The following FER1L6 variants were observed in gnomAD, a reference collection of about 807,000 sequenced individuals.
FER1L6 encodes fer-1-like protein 6.
A neutral mutation model predicts 219.2 loss-of-function variants in FER1L6; 177 were observed. That is an observed-to-expected ratio of 0.81 (90% CI 0.71 to 0.91). The LOEUF is 0.91. Among genes scored for constraint, FER1L6 ranks in the 40% least tolerant of loss-of-function variants. FER1L6 has a pLI of 0.00. For missense variants in FER1L6, 2,153 were observed against 2,259.9 expected, an observed-to-expected ratio of 0.95 and a Z score of 0.96; for synonymous variants, 768 against 824.3, an observed-to-expected ratio of 0.93 and a Z score of 1.17.
intron 1 of FER1L6, among the ~76,000 whole-genome samples, chr8:123,955,566 C>G (rs1486882790): frequency 1.3e-5 from 2 of 152,220 alleles, no homozygotes; most frequent in Non-Finnish European, 2.9e-5. Context: ...ATGCTCAGAA[C>G]TGTGTGACCT....
chr8:123,958,916 C>A (rs922050116), intron 2 of FER1L6, among the ~76,000 whole-genome samples: 7 of 151,764 alleles, frequency 4.6e-5, no homozygotes, highest in African/African-American at 1.7e-4. Flanking sequence ...TTCGACGGAA[C>A]TGAAAGGGGG....
intron 34 of FER1L6, 146 bp from the exon 35 acceptor site, chr8:124,094,750 G>A (rs1404160487): frequency 6.8e-6 from 6 of 880,962 alleles, no homozygotes; most frequent in East Asian, 2.5e-5. Flanking sequence ...GCCTCCCAAA[G>A]TGCTGGGATT....
At chr8:123,952,436 G>A (rs138570891) in intron 1 of FER1L6, among the ~76,000 whole-genome samples, 2 of 152,316 alleles carry the variant, frequency 1.3e-5, no homozygotes, top group East Asian at 1.9e-4. Flanking sequence ...TACAGATATC[G>A]GAGTCGCAGT....
At position 124,010,193 on chromosome 8, in the gene FER1L6, C is replaced by A. The variant is rs542697480; in HGVS notation, c.1701-401C>A. Among the ~76,000 whole-genome samples the A allele has an allele frequency of 3.6e-5, 5 of 139,058 alleles. No individual in the cohort carries two copies. In the South Asian group the frequency reaches 9.4e-4, roughly 26 times the overall value. The allele number at this position is 139,058 out of a possible 152,430, so 91.2% of individuals were successfully genotyped here. ...TGTAGTTCAAGGGTTCGGAAGCTGG[C>A]GAGTCAGGGAGGAGGAGAGGTCTTG... On this transcript the variant is annotated intron_variant, in intron 13 of 40. Transcript: ENST00000522917.
At position 123,955,226 on chromosome 8, in the gene FER1L6, G is replaced by A. The variant is rs538353793; in HGVS notation, c.-7-766G>A. Among the ~76,000 whole-genome samples, 50 of 152,260 alleles carry A rather than the reference G, an allele frequency of 3.3e-4. No homozygotes were observed. The South Asian group carries it at 7.1e-3, about 21-fold the overall frequency. The stretch of plus-strand genomic sequence containing the variant: ...GGAGGTGGCAGTGAGCTGAGATCGC[G>A]CCACTGTTCTCCAGCTTGGGCAACA... On this transcript the variant is annotated intron_variant, in intron 1 of 40. Transcript: ENST00000522917.
chr8:123,994,547 A>G (rs1200183226), intron 12 of FER1L6, among the ~76,000 whole-genome samples: 4 of 152,204 alleles, frequency 2.6e-5, no homozygotes, highest in African/African-American at 9.6e-5. Flanking sequence ...GCTAAGTTCC[A>G]GGCAGTCTCT....
chr8:124,095,069 G>A (rs1446375705), intron 35 of FER1L6, 31 bp downstream of exon 35: 1 of 1,613,216 alleles, frequency 6.2e-7, no homozygotes, highest in Non-Finnish European at 8.5e-7. Context: ...GGCCCTAAAA[G>A]TTAATCTTGT....
chr8:123,873,890 A>G (rs1347798504), intron 1 of FER1L6, among the ~76,000 whole-genome samples: 1 of 152,120 alleles, frequency 6.6e-6, no homozygotes, highest in Non-Finnish European at 1.5e-5. Context: ...CTCTGAATCC[A>G]ACAATTATTT....
rs943533078 is a variant in FER1L6, at chr8:123,853,143, C to T, written c.-8+958C>T. 2.0e-5 allele frequency among the ~76,000 whole-genome samples: 3 copies of T among 152,142 alleles called. No homozygotes were observed. Among genetic ancestry groups the T allele is most frequent in the Non-Finnish European group, 2.9e-5 (2 of 68,022 alleles). On this transcript the variant is annotated intron_variant, in intron 1 of 40. Coordinates refer to ENST00000522917, the MANE Select transcript of FER1L6 (RefSeq NM_001039112.2). This position sits in a 1 kb window ranked among gnomAD's most constrained non-coding sequence, Gnocchi z 6.6. ...ACGTGCGTGAGCCACTGTGCCCACC[C>T]TCAGACTTTAAAATAGACGAAATCT...
intron 1 of FER1L6, among the ~76,000 whole-genome samples, chr8:123,950,461 C>T (rs1438325257): frequency 2.6e-5 from 4 of 152,288 alleles, no homozygotes; most frequent in African/African-American, 9.6e-5. Context: ...GAACACTTAG[C>T]ACATTTCTCT....
intron 33 of FER1L6, among the ~76,000 whole-genome samples, chr8:124,087,921 T>C (rs1821852337): frequency 6.6e-6 from 1 of 152,094 alleles, no homozygotes; most frequent in Non-Finnish European, 1.5e-5. Context: ...TCCTTTCTTT[T>C]CCCCAAACAA....
intron 1 of FER1L6, among the ~76,000 whole-genome samples, chr8:123,909,536 T>C (rs1813015397): frequency 6.6e-6 from 1 of 152,094 alleles, no homozygotes; most frequent in Non-Finnish European, 1.5e-5. Flanking sequence ...GAGCATAGAC[T>C]GAAGGAGACT....
intron 1 of FER1L6, among the ~76,000 whole-genome samples, chr8:123,855,305 T>A (rs1379896632): frequency 6.6e-6 from 1 of 152,170 alleles, no homozygotes; most frequent in African/African-American, 2.4e-5. Flanking sequence ...AAACCACAAA[T>A]GGCATTCCAT....
At chr8:123,870,880 A>T (rs1354588818) in intron 1 of FER1L6, among the ~76,000 whole-genome samples, 1 of 152,242 alleles carries the variant, frequency 6.6e-6, no homozygotes, top group East Asian at 1.9e-4. Context: ...TGTATTAAAA[A>T]TGTATGAAAC....
intron 39 of FER1L6, among the ~76,000 whole-genome samples, chr8:124,109,870 G>A (rs1417437382): frequency 3.3e-5 from 5 of 152,166 alleles, no homozygotes; most frequent in Admixed American, 1.3e-4. Context: ...AGTAACAAGC[G>A]TTGCTAATAT....
rs114726901 is a variant in FER1L6, at chr8:123,964,800, T to C, written c.198-1207T>C. 2.7e-3 allele frequency among the ~76,000 whole-genome samples: 410 copies of C among 152,306 alleles called. 1 individual carries two copies. Among genetic ancestry groups the C allele is most frequent in the African/African-American group, 9.6e-3 (398 of 41,570 alleles). On this transcript the variant is annotated intron_variant, in intron 3 of 40. Coordinates refer to ENST00000522917, the MANE Select transcript of FER1L6 (RefSeq NM_001039112.2). ...TCCAACCTCTGCAGTGAAATCTTTG[T>C]TGTGTACCCTGGTCCTCAAGACTTT...
chr8:123,922,799 T>G (rs1813409994), intron 1 of FER1L6, among the ~76,000 whole-genome samples: 1 of 152,184 alleles, frequency 6.6e-6, no homozygotes, highest in South Asian at 2.1e-4. Context: ...TTCTCCTTGA[T>G]CTCATTGACT....
intron 1 of FER1L6, among the ~76,000 whole-genome samples, chr8:123,941,432 G>A (rs956311362): frequency 6.6e-6 from 1 of 152,146 alleles, no homozygotes; most frequent in Non-Finnish European, 1.5e-5. Flanking sequence ...TGGAGGGAGG[G>A]AGCATGTTCC....
chr8:124,000,116 AGTTCTGCCTGGT>A (rs1365542518), intron 12 of FER1L6, among the ~76,000 whole-genome samples: 1 of 152,178 alleles, frequency 6.6e-6, no homozygotes, highest in Non-Finnish European at 1.5e-5. Context: ...GTGACGGCTG[AGTTCTGCCTGGT>A]GTTGCTTTCC....
Sources: gnomAD v4.1 joint callset for allele counts (sites outside exome capture counted in the v4.1 genomes callset) on GRCh38, gnomAD v4.1.1 for gene constraint, Gnocchi (gnomAD v3.1) non-coding constraint, MANE v1.5 for transcripts, NCBI Gene and HGNC (gene_info 2026-07-23, HGNC 2026-07-21) for gene names.